Variants in ASXL3 observed in about 807,000 individuals in gnomAD.
ASXL3 encodes ASXL transcriptional regulator 3.
Under a neutral mutation model 170.6 loss-of-function variants are expected in ASXL3, and 34 were observed. That is an observed-to-expected ratio of 0.20 (90% confidence interval 0.15 to 0.27). The LOEUF (loss-of-function observed/expected upper bound fraction) is 0.27. ASXL3 is among the 10% of genes least tolerant of loss of function. The pLI is 1.00. For missense variants in ASXL3, 2,592 were observed against 2,695.3 expected (o/e 0.96, Z 0.85); for synonymous variants, 1,002 against 989.1 (o/e 1.01, Z -0.24).
chr18:33,608,942 A>G (rs187343053), intron 2 of ASXL3: 6 of 752,310 alleles, frequency 8.0e-6, no homozygotes, highest in Middle Eastern at 6.7e-4. Flanking sequence ...CAGGACACCT[A>G]TGCTCAAATT....
chr18:33,583,828 A>G (rs2065012947), intron 1 of ASXL3, among the ~76,000 whole-genome samples: 1 of 152,212 alleles, frequency 6.6e-6, no homozygotes, highest in African/African-American at 2.4e-5. Context: ...TTAATAATGT[A>G]ATAATTTTTA....
At position 33,746,620 on chromosome 18, in the gene ASXL3, C is replaced by A; in HGVS notation, c.*25C>A. ...AGAGCTGAGTGAAAGATGCAGTATC[C>A]CTTTTCCACACGGAAAAGCCAAATA... On this transcript the variant is annotated 3_prime_UTR_variant, in exon 12 of 12. Transcript: ENST00000269197. The A allele has an allele frequency of 6.5e-7, 1 of 1,534,046 alleles. No individual in the cohort carries two copies. The highest frequency in any genetic ancestry group is 8.7e-7 in the Non-Finnish European group (1 of 1,144,326).
At chr18:33,635,105 G>C in intron 2 of ASXL3, among the ~76,000 whole-genome samples, 1 of 152,146 alleles carries the variant, frequency 6.6e-6, no homozygotes, top group Non-Finnish European at 1.5e-5. Context: ...GAGGCAGCCT[G>C]ATTGGAATGG....
In ASXL3 at chr18:33,749,102, T is replaced by C. The variant is rs2067845040; in HGVS notation, c.*2507T>C. 6.6e-6 allele frequency: 1 copy of C among 150,436 alleles called. No homozygotes were observed. Among genetic ancestry groups the C allele is most frequent in the African/African-American group, 2.5e-5 (1 of 40,664 alleles). 9.3% of individuals were successfully genotyped at this position (150,436 alleles called of 1,614,324 possible). A position where few individuals can be genotyped will look rare whatever the true frequency, so the allele number is the denominator to read the frequency against. ...TTTTTTTTTTTTTTTTTGCTCCAGTTCAAATTCCTAGTGTTCTCATATGGT... is the reference window on the plus strand; with the variant it reads ...TTTTTTTTTTTTTTTTTGCTCCAGTCCAAATTCCTAGTGTTCTCATATGGT... On this transcript the variant is annotated 3_prime_UTR_variant, in exon 12 of 12. Coordinates refer to ENST00000269197, the MANE Select transcript of ASXL3 (RefSeq NM_030632.3).
intron 5 of ASXL3, among the ~76,000 whole-genome samples, chr18:33,667,273 A>T (rs890432034): frequency 6.6e-6 from 1 of 152,132 alleles, no homozygotes; most frequent in Non-Finnish European, 1.5e-5. Context: ...GGGATCTCAG[A>T]AAAAAAGAAA....
At chr18:33,643,588 A>C (rs2065876780) in intron 2 of ASXL3, among the ~76,000 whole-genome samples, 1 of 151,864 alleles carries the variant, frequency 6.6e-6, no homozygotes, top group South Asian at 2.1e-4. Flanking sequence ...AATACTTATA[A>C]ATCCTTATGA....
intron 8 of ASXL3, among the ~76,000 whole-genome samples, chr18:33,726,293 T>C (rs534945612): frequency 1.7e-4 from 26 of 152,236 alleles, no homozygotes; most frequent in African/African-American, 6.3e-4. Context: ...TCACGCTGCC[T>C]CCAGTGCGGT....
chr18:33,685,633 G>T (rs9965253), intron 8 of ASXL3, among the ~76,000 whole-genome samples: 4,993 of 152,250 alleles, frequency 0.033, 270 homozygotes, highest in African/African-American at 0.11. Flanking sequence ...GAAGAAAAGA[G>T]ATTTATTTGG....
At chr18:33,692,332 G>A (rs1018211329) in intron 8 of ASXL3, among the ~76,000 whole-genome samples, 4 of 152,104 alleles carry the variant, frequency 2.6e-5, no homozygotes, top group South Asian at 2.1e-4. Flanking sequence ...ATAGAACAGA[G>A]GAGGAGGAGT....
At chr18:33,667,395 T>C (rs1048868598) in intron 5 of ASXL3, among the ~76,000 whole-genome samples, 3 of 152,208 alleles carry the variant, frequency 2.0e-5, no homozygotes, top group African/African-American at 7.2e-5. Flanking sequence ...TTTGACCTCA[T>C]GTTTTTAATC....
chr18:33,607,015 C>T (rs1158966463), intron 1 of ASXL3, among the ~76,000 whole-genome samples: 1 of 151,796 alleles, frequency 6.6e-6, no homozygotes, highest in Non-Finnish European at 1.5e-5. Flanking sequence ...CTGAGATAGG[C>T]TAAATCGGAA....
At chr18:33,663,918 G>A (rs916735057) in intron 5 of ASXL3, among the ~76,000 whole-genome samples, 20 of 151,216 alleles carry the variant, frequency 1.3e-4, no homozygotes, top group African/African-American at 4.9e-4. Context: ...TAGAATTTTT[G>A]TAAGTGTATT....
At chr18:33,589,270 A>G (rs1000299018) in intron 1 of ASXL3, among the ~76,000 whole-genome samples, 1 of 152,198 alleles carries the variant, frequency 6.6e-6, no homozygotes. Flanking sequence ...TAATGTGTGT[A>G]GCGTAGTTTT....
chr18:33,740,533 C>A, intron 11 of ASXL3, 90 bp downstream of exon 11: 1 of 1,284,288 alleles, frequency 7.8e-7, no homozygotes, highest in Non-Finnish European at 1.0e-6. Flanking sequence ...GATTTTCTTC[C>A]TTCTAGGTTT....
chr18:33,675,868 G>T (rs903034336), intron 7 of ASXL3, among the ~76,000 whole-genome samples: 4 of 151,940 alleles, frequency 2.6e-5, no homozygotes, highest in Admixed American at 6.6e-5. Flanking sequence ...ACAACAATAA[G>T]AAGAAGAAGC....
chr18:33,607,557 C>A (rs2065268654), intron 1 of ASXL3, 37 bp from the exon 2 acceptor site: 1 of 1,447,200 alleles, frequency 6.9e-7, no homozygotes, highest in Non-Finnish European at 9.5e-7. Context: ...TGTATGCTGC[C>A]ATGCAATAAT....
At chr18:33,599,119 A>G (rs1453753175) in intron 1 of ASXL3, among the ~76,000 whole-genome samples, 1 of 152,182 alleles carries the variant, frequency 6.6e-6, no homozygotes, top group Non-Finnish European at 1.5e-5. Context: ...ACAAGAGTGT[A>G]TTGTTAAACA....
intron 2 of ASXL3, among the ~76,000 whole-genome samples, chr18:33,624,874 T>G (rs898698767): frequency 6.6e-6 from 1 of 152,194 alleles, no homozygotes; most frequent in Non-Finnish European, 1.5e-5. Flanking sequence ...TGAACATTCA[T>G]TATATGCTAG....
chr18:33,629,632 C>G (rs1194628852), intron 2 of ASXL3, among the ~76,000 whole-genome samples: 2 of 151,932 alleles, frequency 1.3e-5, no homozygotes, highest in Non-Finnish European at 2.9e-5. Context: ...ACATATTCTC[C>G]TTTTTCGTTA....
Sources: allele counts gnomAD v4.1 joint callset (sites outside exome capture counted in the v4.1 genomes callset), GRCh38; gene constraint gnomAD v4.1.1; transcripts MANE v1.5; gene names NCBI Gene and HGNC (gene_info 2026-07-23, HGNC 2026-07-21).